Variants in ME1 observed in about 807,000 individuals in gnomAD.
ME1 encodes NADP-dependent malic enzyme.
ME1 carries 74 observed loss-of-function variants against 66.4 expected under a neutral mutation model. The ratio of observed to expected loss-of-function variants is 1.11; its 90% CI spans 0.92 to 1.35. The LOEUF is 1.35. Ranked by LOEUF, ME1 falls within the 40% of genes most tolerant of loss-of-function variation. The probability of loss-of-function intolerance (pLI) is 0.00; values close to 1 mark genes in which losing one functional copy is unlikely to be tolerated. For missense variants in ME1, 750 were observed against 694.1 expected (o/e 1.08, Z -0.90); for synonymous variants, 251 against 235.6 (o/e 1.07, Z -0.60).
At chr6:83,407,972 A>C (rs1477509442) in intron 1 of ME1, 71 bp from the exon 2 acceptor site, 4 of 1,477,318 alleles carry the variant, frequency 2.7e-6, no homozygotes, top group Non-Finnish European at 3.6e-6. Context: ...CATACATATA[A>C]AATCTGACAA....
At chr6:83,298,079 G>C (rs1297872350) in intron 6 of ME1, among the ~76,000 whole-genome samples, 1 of 152,222 alleles carries the variant, frequency 6.6e-6, no homozygotes, top group Non-Finnish European at 1.5e-5. Context: ...TATAAACCCA[G>C]TAATGGGATT....
intron 6 of ME1, among the ~76,000 whole-genome samples, chr6:83,277,351 C>T (rs998535824): frequency 2.6e-5 from 4 of 152,172 alleles, no homozygotes; most frequent in African/African-American, 9.7e-5. Flanking sequence ...CTCAGCAGGC[C>T]TAGCCTCAGC....
In ME1 at chr6:83,315,330, G is replaced by T; in HGVS notation, c.684C>A (p.Phe228Leu). 6.2e-7 allele frequency: 1 copy of T among 1,608,024 alleles called. No homozygotes were observed. Among genetic ancestry groups the T allele is most frequent in the South Asian group, 1.1e-5 (1 of 90,594 alleles). Residue 228 changes from phenylalanine (F) to leucine (L), a missense_variant, in exon 6 of 14, where the codon TTC becomes TTA. Transcript: ENST00000369705. ...CATACTTGGAAGAAACTGCCTCCATGAATTCGTCCAAAAAATCATCATATT... is the reference window on the plus strand; with the variant it reads ...CATACTTGGAAGAAACTGCCTCCATTAATTCGTCCAAAAAATCATCATATT... ...GSEYDDFLDE[F>L]MEAVSSKYGM...
chr6:83,418,005 T>C (rs576937695), intron 1 of ME1, among the ~76,000 whole-genome samples: 3 of 152,224 alleles, frequency 2.0e-5, no homozygotes, highest in Admixed American at 6.5e-5. Context: ...TGTTGAAAAC[T>C]GTTGCAGAGG....
At chr6:83,325,472 T>C (rs1768271097) in intron 5 of ME1, among the ~76,000 whole-genome samples, 1 of 152,168 alleles carries the variant, frequency 6.6e-6, no homozygotes, top group Non-Finnish European at 1.5e-5. Context: ...AACCCCATTG[T>C]CTCAGCACAA....
intron 1 of ME1, among the ~76,000 whole-genome samples, chr6:83,413,149 G>C (rs1734508502): frequency 6.6e-6 from 1 of 152,142 alleles, no homozygotes; most frequent in South Asian, 2.1e-4. Flanking sequence ...TAAGACAACA[G>C]GCACATGCCA....
At chr6:83,345,010 T>A (rs1233221245) in intron 5 of ME1, among the ~76,000 whole-genome samples, 1 of 152,092 alleles carries the variant, frequency 6.6e-6, no homozygotes, top group African/African-American at 2.4e-5. Flanking sequence ...TTAATTTAAA[T>A]TTTTTAGAGC....
At chr6:83,383,998 A>G (rs953711230) in intron 3 of ME1, among the ~76,000 whole-genome samples, 33 of 152,020 alleles carry the variant, frequency 2.2e-4, no homozygotes, top group African/African-American at 7.2e-4. Context: ...TGCAAAGTAC[A>G]TGATTTCATT....
chr6:83,243,499 T>TGATATAATCTATTATAATTATATTATATC lies in ME1; in HGVS notation c.815-3892_815-3864dup, dbSNP rs1562457427. On this transcript the variant is annotated intron_variant, in intron 7 of 13. Coordinates refer to ENST00000369705, the MANE Select transcript of ME1 (RefSeq NM_002395.6). ...ATAATCTATTATAATTATGTTATATTGATATAATCTATTATAATTATATTA... is the reference window on the plus strand; with the variant it reads ...ATAATCTATTATAATTATGTTATATTGATATAATCTATTATAATTATATTATATCGATATAATCTATTATAATTATATTA... Among the ~76,000 whole-genome samples the TGATATAATCTATTATAATTATATTATATC allele has an allele frequency of 2.4e-3, 309 of 129,056 alleles. 1 individual carries two copies. Among genetic ancestry groups the TGATATAATCTATTATAATTATATTATATC allele is most frequent in the African/African-American group, 6.7e-3 (217 of 32,542 alleles). 84.7% of individuals were successfully genotyped at this position (129,056 alleles called of 152,430 possible).
intron 6 of ME1, among the ~76,000 whole-genome samples, chr6:83,292,891 G>A (rs762152122): frequency 2.6e-5 from 4 of 152,174 alleles, no homozygotes; most frequent in East Asian, 3.9e-4. Context: ...ATCCCAGGTC[G>A]ATCTCAGACT....
chr6:83,277,071 G>T (rs909669718), intron 6 of ME1, among the ~76,000 whole-genome samples: 22 of 152,146 alleles, frequency 1.4e-4, no homozygotes, highest in African/African-American at 5.3e-4. Flanking sequence ...CCACCTCAAA[G>T]AAATATTTAA....
intron 6 of ME1, among the ~76,000 whole-genome samples, chr6:83,273,302 C>G (rs927056513): frequency 2.0e-5 from 3 of 151,386 alleles, no homozygotes; most frequent in African/African-American, 7.3e-5. Context: ...ATGAGCAAAT[C>G]TTTTGTAAAA....
chr6:83,373,773 C>T (rs1195777861), intron 3 of ME1, among the ~76,000 whole-genome samples: 6 of 152,166 alleles, frequency 3.9e-5, no homozygotes, highest in Admixed American at 1.3e-4. Context: ...CCCTCACCCC[C>T]CACAGGCCCT....
rs1264728456 is a variant in ME1, at chr6:83,334,660, T to C, written c.600+11513A>G. On this transcript the variant is annotated intron_variant, in intron 5 of 13. Coordinates refer to ENST00000369705, the MANE Select transcript of ME1 (RefSeq NM_002395.6). ...CCTCCTCAAGTGGGTCCCTGACCCC[T>C]GACCCCCGAGCAACCTAACTGGGAG... is the stretch of plus-strand genomic sequence containing the variant. Among the ~76,000 whole-genome samples, 8 of 44,320 alleles carry C rather than the reference T, an allele frequency of 1.8e-4. 1 individual carries two copies. In the East Asian group the frequency reaches 4.6e-3, roughly 25 times the overall value. 29.1% of individuals were successfully genotyped at this position (44,320 alleles called of 152,430 possible).
At chr6:83,398,341 T>C in intron 3 of ME1, 26 bp downstream of exon 3, 1 of 1,508,716 alleles carries the variant, frequency 6.6e-7, no homozygotes, top group Non-Finnish European at 8.9e-7. Flanking sequence ...AGACACAAGT[T>C]GCATATAAAA....
chr6:83,295,951 T>C (rs1767590985), intron 6 of ME1, among the ~76,000 whole-genome samples: 2 of 151,910 alleles, frequency 1.3e-5, no homozygotes, highest in South Asian at 4.2e-4. Flanking sequence ...ATATAAACTC[T>C]CCCAAGACTA....
chr6:83,230,806 G>A (rs1019589360), intron 9 of ME1, among the ~76,000 whole-genome samples: 2 of 152,042 alleles, frequency 1.3e-5, no homozygotes, highest in African/African-American at 4.8e-5. Context: ...GGTGGCAGGA[G>A]CCTGTAGTCC....
intron 6 of ME1, among the ~76,000 whole-genome samples, chr6:83,312,770 TAAGA>T: frequency 1.3e-5 from 2 of 152,222 alleles, no homozygotes; most frequent in African/African-American, 4.8e-5. Flanking sequence ...TTAATTTTTT[TAAGA>T]AAGAGTCTTG....
chr6:83,222,628 G>T (rs749720768), intron 12 of ME1, among the ~76,000 whole-genome samples: 2 of 152,114 alleles, frequency 1.3e-5, no homozygotes, highest in Admixed American at 1.3e-4. Flanking sequence ...AAAAGCTCAT[G>T]ATTTTATAAA....
Sources: allele counts gnomAD v4.1 joint callset (sites outside exome capture counted in the v4.1 genomes callset), GRCh38; gene constraint gnomAD v4.1.1; transcripts MANE v1.5; gene names NCBI Gene and HGNC (gene_info 2026-07-23, HGNC 2026-07-21).